Variants in TEKT5 observed in about 807,000 individuals in gnomAD.
The protein encoded by TEKT5 is tektin-5.
TEKT5 carries 52 observed loss-of-function variants against 48.7 expected under a neutral mutation model. That is an observed-to-expected ratio of 1.07 (90% CI 0.86 to 1.35). The LOEUF (loss-of-function observed/expected upper bound fraction) is 1.35, where lower values mean the gene tolerates loss of function less well. Ranked by LOEUF, TEKT5 falls within the 40% of genes most tolerant of loss-of-function variation. TEKT5 has a pLI of 0.00. For missense variants in TEKT5, 831 were observed against 641.6 expected (o/e 1.30, Z -3.19); for synonymous variants, 318 against 267.6 (o/e 1.19, Z -1.84).
intron 2 of TEKT5, 53 bp from the exon 3 acceptor site, chr16:10,689,376 C>G (rs8054135): frequency 6.8e-7 from 1 of 1,476,174 alleles, no homozygotes; most frequent in Non-Finnish European, 9.4e-7. Flanking sequence ...TCACAGTCTT[C>G]TCTCCCAGGC....
chr16:10,652,779 C>G (rs1307227381), intron 5 of TEKT5, among the ~76,000 whole-genome samples: 6 of 106,894 alleles, frequency 5.6e-5, no homozygotes, highest in African/African-American at 2.5e-4. Flanking sequence ...CACACACACA[C>G]ACACACACAC....
At chr16:10,678,933 A>G (rs907227059) in intron 4 of TEKT5, among the ~76,000 whole-genome samples, 7 of 152,188 alleles carry the variant, frequency 4.6e-5, no homozygotes, top group African/African-American at 1.7e-4. Context: ...GATGGAGAGG[A>G]CAGCTGGCTT....
intron 5 of TEKT5, among the ~76,000 whole-genome samples, chr16:10,663,373 G>C (rs774800615): frequency 2.6e-5 from 4 of 152,220 alleles, no homozygotes; most frequent in Admixed American, 6.5e-5. Context: ...CCAGCTTTAG[G>C]CTTCTGGATG....
chr16:10,688,859 G>A (rs1163775608), intron 3 of TEKT5, among the ~76,000 whole-genome samples: 2 of 152,186 alleles, frequency 1.3e-5, no homozygotes, highest in African/African-American at 2.4e-5. Flanking sequence ...CCCACCCTCT[G>A]TCATCTCCCA....
intron 5 of TEKT5, among the ~76,000 whole-genome samples, chr16:10,672,540 G>C (rs1025714788): frequency 6.6e-6 from 1 of 152,184 alleles, no homozygotes; most frequent in Non-Finnish European, 1.5e-5. Flanking sequence ...AGGTTGCAGT[G>C]AGCCGAGATT....
At chr16:10,668,963 C>A (rs1308406547) in intron 5 of TEKT5, among the ~76,000 whole-genome samples, 3 of 152,164 alleles carry the variant, frequency 2.0e-5, no homozygotes, top group Non-Finnish European at 4.4e-5. Context: ...CAACCCTTAC[C>A]CACTGTTCCC....
chr16:10,664,581 G>A (rs911563275), intron 5 of TEKT5, among the ~76,000 whole-genome samples: 2 of 152,226 alleles, frequency 1.3e-5, no homozygotes, highest in African/African-American at 4.8e-5. Flanking sequence ...GCCAGACCCT[G>A]GCCAATTAAA....
At chr16:10,691,667 G>A (rs970182702) in intron 1 of TEKT5, among the ~76,000 whole-genome samples, 1 of 152,284 alleles carries the variant, frequency 6.6e-6, no homozygotes, top group East Asian at 1.9e-4. Flanking sequence ...ATTTCTGGGG[G>A]ACCAGACACG....
chr16:10,628,190 T>G (rs1211957838), intron 6 of TEKT5, among the ~76,000 whole-genome samples: 1 of 152,126 alleles, frequency 6.6e-6, no homozygotes, highest in Admixed American at 6.5e-5. Context: ...CACTGTGCAC[T>G]GGGAACTGTG....
intron 5 of TEKT5, among the ~76,000 whole-genome samples, chr16:10,664,042 C>G (rs528764254): frequency 6.6e-6 from 1 of 152,314 alleles, no homozygotes; most frequent in African/African-American, 2.4e-5. Flanking sequence ...CCAATATGCT[C>G]TTAAAAAAAT....
intron 5 of TEKT5, among the ~76,000 whole-genome samples, chr16:10,639,310 C>CA (rs74503575): frequency 0.15 from 22,975 of 151,396 alleles, 1,868 homozygotes; most frequent in South Asian, 0.19. Context: ...ACCCTATCTC[C>CA]AAAAAACAAA....
rs766397355 is a variant in TEKT5, at chr16:10,635,787, C to G, written c.1218G>C (p.Leu406=). Residue 406 remains leucine, a synonymous_variant, in exon 6 of 7, where the codon CTG becomes CTC. Coordinates refer to ENST00000283025, the MANE Select transcript of TEKT5 (RefSeq NM_144674.2). ...ACTTCAACTGCGGGATGTCCCTGCA[C>G]AGCTCCATGTTGGGGCGCCGGGTCC... ...ECRTRRPNME[L]CRDIPQLKLV... 1.5e-5 allele frequency: 24 copies of G among 1,614,178 alleles called. No individual in the cohort carries two copies. The East Asian group carries it at 5.1e-4, about 34-fold the overall frequency.
chr16:10,673,383 C>T (rs749875628), intron 5 of TEKT5, among the ~76,000 whole-genome samples: 7 of 152,144 alleles, frequency 4.6e-5, no homozygotes, highest in Non-Finnish European at 1.0e-4. Context: ...AGGCAGAAAC[C>T]GTATTGCCTG....
At chr16:10,677,810 C>T (rs1057347761) in intron 4 of TEKT5, among the ~76,000 whole-genome samples, 1 of 135,086 alleles carries the variant, frequency 7.4e-6, no homozygotes, top group Non-Finnish European at 1.6e-5. Context: ...GGTACCCCTC[C>T]TCCAGGCTGA....
At chr16:10,681,296 A>G (rs2142307436) in intron 4 of TEKT5, among the ~76,000 whole-genome samples, 1 of 152,218 alleles carries the variant, frequency 6.6e-6, no homozygotes, top group Middle Eastern at 3.4e-3. Flanking sequence ...AAATGGCCCA[A>G]AGAAATGAAG....
chr16:10,679,453 C>T (rs1898706568), intron 4 of TEKT5, among the ~76,000 whole-genome samples: 1 of 135,866 alleles, frequency 7.4e-6, no homozygotes, highest in African/African-American at 2.8e-5. Context: ...GAGACTCTGT[C>T]TAAAAAAAAA....
chr16:10,685,469 G>C (rs1315743095), intron 3 of TEKT5, among the ~76,000 whole-genome samples: 1 of 152,026 alleles, frequency 6.6e-6, no homozygotes, highest in Non-Finnish European at 1.5e-5. Flanking sequence ...AGCTAATTTT[G>C]TGTTTTTAGT....
chr16:10,627,532 T>C lies in TEKT5; in HGVS notation c.*51A>G. 6.3e-7 allele frequency: 1 copy of C among 1,590,270 alleles called. No homozygotes were observed. Among genetic ancestry groups the C allele is most frequent in the Non-Finnish European group, 8.6e-7 (1 of 1,159,830 alleles). On this transcript the variant is annotated 3_prime_UTR_variant, in exon 7 of 7. Coordinates refer to ENST00000283025, the MANE Select transcript of TEKT5 (RefSeq NM_144674.2). ...ACAAAATACTGTTTTACTTTGTTTCTCAGCCTTTTCCAATTTTACGCCAGC... is the reference window on the plus strand; with the variant it reads ...ACAAAATACTGTTTTACTTTGTTTCCCAGCCTTTTCCAATTTTACGCCAGC...
At position 10,694,406 on chromosome 16, in the gene TEKT5, G is replaced by C. The variant is rs1295270393; in HGVS notation, c.468C>G (p.Ser156Arg). ...CAGTCAGAAGCCTGTCCAGCTCATA[G>C]CTCAGCTCTGACTTCCAGAAGCCAA... is the stretch of plus-strand genomic sequence containing the variant. ...SDIGFWKSEL[S>R]YELDRLLTEN... Residue 156 changes from serine to arginine, a missense_variant, in exon 1 of 7, where the codon AGC becomes AGG. Transcript: ENST00000283025. 2 of 1,614,020 alleles carry C rather than the reference G, an allele frequency of 1.2e-6. No individual in the cohort carries two copies. The highest frequency in any genetic ancestry group is 2.7e-5 in the African/African-American group (2 of 74,936).
Sources: allele counts gnomAD v4.1 joint callset (sites outside exome capture counted in the v4.1 genomes callset), GRCh38; gene constraint gnomAD v4.1.1; transcripts MANE v1.5; gene names NCBI Gene and HGNC (gene_info 2026-07-23, HGNC 2026-07-21).